The following TPST1 variants were observed in gnomAD, a reference collection of about 807,000 sequenced individuals.
The protein encoded by TPST1 is protein-tyrosine sulfotransferase 1.
In TPST1, 20 loss-of-function variants were observed where a neutral mutation model predicts 34.8. The observed-to-expected ratio is 0.57, with a 90% CI of 0.40 to 0.84. The LOEUF is 0.84. Ranked by LOEUF, TPST1 falls within the 40% of genes least tolerant of loss-of-function variation. The pLI is 0.00. For missense variants in TPST1, 353 were observed against 455.5 expected, an observed-to-expected ratio of 0.78 and a Z score of 2.05; for synonymous variants, 152 against 159.4, an observed-to-expected ratio of 0.95 and a Z score of 0.35.
At chr7:66,296,428 T>C (rs1791199887) in intron 3 of TPST1, among the ~76,000 whole-genome samples, 1 of 152,116 alleles carries the variant, frequency 6.6e-6, no homozygotes, top group Non-Finnish European at 1.5e-5. Flanking sequence ...AAATCCTGTG[T>C]ATCTTCAAAG....
At chr7:66,300,773 C>G (rs905866672) in intron 3 of TPST1, among the ~76,000 whole-genome samples, 1 of 152,040 alleles carries the variant, frequency 6.6e-6, no homozygotes, top group Non-Finnish European at 1.5e-5. Flanking sequence ...TGGCGAAACT[C>G]CATCTCTACT....
chr7:66,243,610 A>T (rs1387012806), intron 2 of TPST1, among the ~76,000 whole-genome samples: 4 of 123,376 alleles, frequency 3.2e-5, no homozygotes, highest in Non-Finnish European at 1.6e-5. Context: ...TGCCCAGCTA[A>T]TTTTTTTTTT....
intron 1 of TPST1, among the ~76,000 whole-genome samples, chr7:66,226,275 C>A (rs1789655158): frequency 6.6e-6 from 1 of 152,110 alleles, no homozygotes; most frequent in Non-Finnish European, 1.5e-5. Flanking sequence ...ATAGGCAAAT[C>A]TCTGGGCTTC....
At chr7:66,312,222 T>C (rs887649923) in intron 3 of TPST1, among the ~76,000 whole-genome samples, 2 of 152,250 alleles carry the variant, frequency 1.3e-5, no homozygotes, top group African/African-American at 2.4e-5. Flanking sequence ...CTTCTCTTTC[T>C]GCCTTCATTA....
intron 2 of TPST1, among the ~76,000 whole-genome samples, chr7:66,258,447 G>A (rs998132758): frequency 2.6e-5 from 4 of 152,166 alleles, no homozygotes; most frequent in Non-Finnish European, 4.4e-5. Context: ...TTAGTTTGGA[G>A]CTTTGGCAAC....
intron 2 of TPST1, among the ~76,000 whole-genome samples, chr7:66,282,987 G>A (rs560661100): frequency 3.3e-5 from 5 of 152,220 alleles, no homozygotes; most frequent in South Asian, 4.1e-4. Context: ...CATACCACGT[G>A]GCTGGGCACG....
intron 1 of TPST1, among the ~76,000 whole-genome samples, chr7:66,214,964 A>G (rs1789359335): frequency 1.2e-5 from 1 of 81,258 alleles, no homozygotes; most frequent in African/African-American, 5.8e-5. Context: ...ATTACACTAA[A>G]TAATTTATAA....
intron 3 of TPST1, among the ~76,000 whole-genome samples, chr7:66,346,074 T>C (rs1212718432): frequency 6.6e-6 from 1 of 151,700 alleles, no homozygotes; most frequent in Non-Finnish European, 1.5e-5. Flanking sequence ...AGTGAGAACA[T>C]GTAAAGTTTG....
At chr7:66,359,233 T>A (rs1792641742) in intron 5 of TPST1, 1 of 146,620 alleles carries the variant, frequency 6.8e-6, no homozygotes, top group Admixed American at 6.9e-5. Flanking sequence ...GGAATCAGGG[T>A]CTTGACCCCT....
rs201770129 is a variant in TPST1 at position 66,241,074 on chromosome 7, C to A, written c.649C>A (p.Arg217Ser). ...TAGGGACTGTTTGACAAAGTGGAAT[C>A]GTGCTATAGAGACCATGTATAACCA... ...SYRDCLTKWN[R>S]AIETMYNQCM... is the part of the protein sequence containing the mutation. Residue 217 changes from arginine to serine, a missense_variant, in exon 2 of 6, where the codon CGT becomes AGT. Physicochemically the swap from Arg to Ser is moderately radical, Grantham distance 110 (BLOSUM62 -1). Transcript: ENST00000304842. 7 of 1,614,168 alleles carry A rather than the reference C, an allele frequency of 4.3e-6. No individual in the cohort carries two copies. The Admixed American group carries it at 1.0e-4, about 23-fold the overall frequency.
At chr7:66,336,072 A>C (rs1792112579) in intron 3 of TPST1, among the ~76,000 whole-genome samples, 2 of 152,216 alleles carry the variant, frequency 1.3e-5, no homozygotes, top group South Asian at 4.1e-4. Flanking sequence ...GCACTTTGGG[A>C]GGCCGAGGTG....
At chr7:66,218,145 C>T (rs988841582) in intron 1 of TPST1, among the ~76,000 whole-genome samples, 2 of 152,170 alleles carry the variant, frequency 1.3e-5, no homozygotes, top group African/African-American at 4.8e-5. Context: ...TCCCAACATG[C>T]TGGGATTATA....
chr7:66,264,013 C>T (rs1372517160), intron 2 of TPST1, among the ~76,000 whole-genome samples: 1 of 152,182 alleles, frequency 6.6e-6, no homozygotes, highest in Non-Finnish European at 1.5e-5. Flanking sequence ...GCTGAAATAA[C>T]AGCCTGTGTT....
chr7:66,292,858 C>G (rs1227503650), intron 3 of TPST1, among the ~76,000 whole-genome samples: 2 of 151,990 alleles, frequency 1.3e-5, no homozygotes, highest in African/African-American at 4.8e-5. Flanking sequence ...GGAGCTGTTC[C>G]TATTCGGCCA....
chr7:66,206,228 G>A (rs1211549952), intron 1 of TPST1, among the ~76,000 whole-genome samples: 1 of 150,772 alleles, frequency 6.6e-6, no homozygotes, highest in South Asian at 2.1e-4. Context: ...AAAGTGCTGG[G>A]ATTACAGGCG....
chr7:66,234,408 C>CACAG (rs1292023671), intron 1 of TPST1, among the ~76,000 whole-genome samples: 22 of 149,440 alleles, frequency 1.5e-4, no homozygotes, highest in African/African-American at 5.4e-4. Flanking sequence ...GCTACACACA[C>CACAG]ACACACACAC....
chr7:66,318,456 A>G (rs1791678777), intron 3 of TPST1, among the ~76,000 whole-genome samples: 1 of 151,416 alleles, frequency 6.6e-6, no homozygotes, highest in Non-Finnish European at 1.5e-5. Flanking sequence ...TTTTCCCCCA[A>G]GTACATTCTT....
At chr7:66,296,577 G>A (rs1237505799) in intron 3 of TPST1, among the ~76,000 whole-genome samples, 3 of 151,684 alleles carry the variant, frequency 2.0e-5, no homozygotes, top group East Asian at 1.9e-4. Flanking sequence ...GGTGGCTGGC[G>A]AAGGTGTTTT....
intron 3 of TPST1, among the ~76,000 whole-genome samples, chr7:66,298,896 G>A (rs779313135): frequency 2.6e-5 from 4 of 152,044 alleles, no homozygotes; most frequent in African/African-American, 7.2e-5. Flanking sequence ...GGCTGAGGCA[G>A]GTGGATCACA....
Sources: gnomAD v4.1 joint callset for allele counts (sites outside exome capture counted in the v4.1 genomes callset) on GRCh38, gnomAD v4.1.1 for gene constraint, MANE v1.5 for transcripts, NCBI Gene and HGNC (gene_info 2026-07-23, HGNC 2026-07-21) for gene names.